HRH1: variants seen among roughly 807,000 people sequenced by gnomAD.
The protein encoded by HRH1 is histamine receptor H1.
In HRH1, 6 loss-of-function variants were observed where a neutral mutation model predicts 10.3. The observed-to-expected ratio is 0.58, with a 90% CI of 0.32 to 1.15. The LOEUF (loss-of-function observed/expected upper bound fraction) is 1.15. HRH1 is among the 50% of genes most tolerant of loss of function. The pLI, the probability that HRH1 is intolerant of heterozygous loss-of-function variation, is 0.05. For synonymous variants in HRH1, 242 were observed against 236.7 expected (o/e 1.02, Z -0.21); for missense variants, 514 against 615.3 (o/e 0.84, Z 1.74).
At chr3:11,147,237 C>T (rs1367876969) in intron 1 of HRH1, among the ~76,000 whole-genome samples, 1 of 152,198 alleles carries the variant, frequency 6.6e-6, no homozygotes, top group East Asian at 1.9e-4. Flanking sequence ...TCGGCAACCT[C>T]CTGACCCAGG....
chr3:11,247,775 G>C (rs112135396), intron 1 of HRH1, among the ~76,000 whole-genome samples: 3,976 of 152,216 alleles, frequency 0.026, 170 homozygotes, highest in African/African-American at 0.088. Context: ...CTCTGTTGTT[G>C]TTCTTGGGTG....
At chr3:11,155,447 A>T (rs1171039243) in intron 1 of HRH1, among the ~76,000 whole-genome samples, 6 of 152,178 alleles carry the variant, frequency 3.9e-5, no homozygotes, top group Non-Finnish European at 7.4e-5. Context: ...CAAGGAAGTC[A>T]CGTCTCCTGC....
At chr3:11,139,011 G>T (rs1217692607) in intron 1 of HRH1, among the ~76,000 whole-genome samples, 3 of 113,920 alleles carry the variant, frequency 2.6e-5, no homozygotes, top group Non-Finnish European at 5.7e-5. Context: ...TTTTTAGAAA[G>T]AATTTTGCTC....
intron 1 of HRH1, among the ~76,000 whole-genome samples, chr3:11,170,062 C>T (rs1277200782): frequency 6.6e-6 from 1 of 152,156 alleles, no homozygotes; most frequent in African/African-American, 2.4e-5. Context: ...ACAGACGGTG[C>T]CTTGGAGCCA....
chr3:11,241,443 C>T lies in HRH1; in HGVS notation c.-35-17560C>T, dbSNP rs1200220368. On this transcript the variant is annotated intron_variant, in intron 1 of 1. Coordinates refer to ENST00000431010, the MANE Select transcript of HRH1 (RefSeq NM_001098212.2). ...GTGGGAACTTGGAGAACTTTTCTGT[C>T]TTACAAGAGGATTGTAAAACGCACC... Among the ~76,000 whole-genome samples the T allele has an allele frequency of 2.6e-5, 4 of 152,254 alleles. No homozygotes were observed. The East Asian group carries it at 7.7e-4, about 29-fold the overall frequency.
intron 1 of HRH1, among the ~76,000 whole-genome samples, chr3:11,165,076 A>G (rs1937004841): frequency 6.6e-6 from 1 of 152,250 alleles, no homozygotes; most frequent in Non-Finnish European, 1.5e-5. Context: ...GCAGAATGTG[A>G]CATTCTCATA....
At chr3:11,251,901 G>A (rs1939662697) in intron 1 of HRH1, among the ~76,000 whole-genome samples, 1 of 152,156 alleles carries the variant, frequency 6.6e-6, no homozygotes, top group African/African-American at 2.4e-5. Flanking sequence ...AATGCATTTG[G>A]ACCATCCATG....
intron 1 of HRH1, among the ~76,000 whole-genome samples, chr3:11,243,812 C>T (rs996978782): frequency 1.3e-5 from 2 of 152,224 alleles, no homozygotes; most frequent in African/African-American, 2.4e-5. Flanking sequence ...TTGAGAGAGG[C>T]AGTTCTTCCC....
chr3:11,150,062 T>C (rs886206076), upstream of HRH1, among the ~76,000 whole-genome samples: 2 of 152,256 alleles, frequency 1.3e-5, no homozygotes, highest in Non-Finnish European at 2.9e-5. Context: ...TCACTTCTCA[T>C]TGTGATCTTT....
In HRH1 at chr3:11,259,736, C is replaced by A. The variant is rs1264909628; in HGVS notation, c.699C>A (p.Ser233=). The A allele has an allele frequency of 6.2e-7, 1 of 1,613,998 alleles. No homozygotes were observed. Among genetic ancestry groups the A allele is most frequent in the East Asian group, 2.2e-5 (1 of 44,890 alleles). Residue 233 remains serine, a synonymous_variant, in exon 2 of 2, where the codon TCC becomes TCA. Transcript: ENST00000431010. This position sits in a 1 kb window ranked among gnomAD's most constrained non-coding sequence, Gnocchi z 4.6. Reference sequence around the variant, plus strand: ...AGCTCATCAATAGGTCCCTCCCTTCCTTCTCAGAAATTAAGCTGAGGCCAG... The same window carrying A: ...AGCTCATCAATAGGTCCCTCCCTTCATTCTCAGAAATTAAGCTGAGGCCAG... The part of the protein sequence containing the change: ...HRELINRSLP[S]FSEIKLRPEN...
chr3:11,260,787 A>G lies in HRH1; in HGVS notation c.*286A>G. 5.6e-6 allele frequency: 2 copies of G among 355,418 alleles called. No individual in the cohort carries two copies. The highest frequency in any genetic ancestry group is 1.0e-5 in the Non-Finnish European group (2 of 190,696). 22.0% of individuals were successfully genotyped at this position (355,418 alleles called of 1,614,324 possible). A position where few individuals can be genotyped will look rare whatever the true frequency, so the allele number is the denominator to read the frequency against. On this transcript the variant is annotated 3_prime_UTR_variant, in exon 2 of 2. Coordinates refer to ENST00000431010, the MANE Select transcript of HRH1 (RefSeq NM_001098212.2). ...AAGAAAAAAATAATAAAAATAAAAG[A>G]GAGAGAGAATCAGACCTGGGTGGAA... is the stretch of plus-strand genomic sequence containing the variant.
intron 1 of HRH1, among the ~76,000 whole-genome samples, chr3:11,255,358 C>T (rs1038251187): frequency 6.6e-6 from 1 of 152,186 alleles, no homozygotes; most frequent in Non-Finnish European, 1.5e-5. Flanking sequence ...CTCTGGAGGC[C>T]AGGGAGCTGA....
intron 1 of HRH1, among the ~76,000 whole-genome samples, chr3:11,231,819 T>C (rs138554061): frequency 3.3e-5 from 5 of 152,092 alleles, no homozygotes; most frequent in African/African-American, 9.7e-5. Context: ...GAACGAAAAT[T>C]TTCCTTTTGA....
At chr3:11,233,022 T>C (rs1186164985) in intron 1 of HRH1, among the ~76,000 whole-genome samples, 1 of 152,252 alleles carries the variant, frequency 6.6e-6, no homozygotes, top group Non-Finnish European at 1.5e-5. Flanking sequence ...TTTTCTCTGA[T>C]ACTTTCAAGT....
At chr3:11,170,844 C>T (rs1405193682) in intron 1 of HRH1, among the ~76,000 whole-genome samples, 4 of 152,100 alleles carry the variant, frequency 2.6e-5, no homozygotes, top group African/African-American at 4.8e-5. Context: ...ATAGCTGAGA[C>T]GAGTACAGTG....
chr3:11,200,304 T>A (rs1043741536), intron 1 of HRH1, among the ~76,000 whole-genome samples: 1 of 152,222 alleles, frequency 6.6e-6, no homozygotes, highest in African/African-American at 2.4e-5. Context: ...AGTATACATT[T>A]CCTTATTACA....
intron 1 of HRH1, among the ~76,000 whole-genome samples, chr3:11,180,721 G>C (rs12489945): frequency 0.25 from 37,454 of 151,906 alleles, 5,928 homozygotes; most frequent in African/African-American, 0.44. Context: ...ATGTCTGTGA[G>C]TGGTTTTTGT....
At chr3:11,197,713 A>T (rs1302678690) in intron 1 of HRH1, among the ~76,000 whole-genome samples, 2 of 152,236 alleles carry the variant, frequency 1.3e-5, no homozygotes, top group Non-Finnish European at 2.9e-5. Flanking sequence ...CATCTTTTAA[A>T]AGTATTACAG....
At chr3:11,239,867 A>G (rs2152579236) in intron 1 of HRH1, among the ~76,000 whole-genome samples, 1 of 151,958 alleles carries the variant, frequency 6.6e-6, no homozygotes, top group South Asian at 2.1e-4. Context: ...TTTGCATGAA[A>G]TCTTTTAGTT....
Sources: gnomAD v4.1 joint callset for allele counts (sites outside exome capture counted in the v4.1 genomes callset) on GRCh38, gnomAD v4.1.1 for gene constraint, Gnocchi (gnomAD v3.1) non-coding constraint, MANE v1.5 for transcripts, NCBI Gene and HGNC (gene_info 2026-07-23, HGNC 2026-07-21) for gene names.